The following IPO7 variants were observed in gnomAD, a reference collection of about 807,000 sequenced individuals.
IPO7 encodes importin 7.
IPO7 carries 13 observed loss-of-function variants against 136.4 expected under a neutral mutation model. That is an observed-to-expected ratio of 0.10 (90% CI 0.06 to 0.15). The LOEUF (loss-of-function observed/expected upper bound fraction) is 0.15. Among genes scored for constraint, IPO7 ranks in the 10% least tolerant of loss-of-function variants. IPO7 has a pLI of 1.00. For synonymous variants in IPO7, 403 were observed against 404.4 expected, an observed-to-expected ratio of 1.00 and a Z score of 0.04; for missense variants, 857 against 1,240.6, an observed-to-expected ratio of 0.69 and a Z score of 4.65.
chr11:9,390,962 G>A (rs1016518107), intron 1 of IPO7, among the ~76,000 whole-genome samples: 14 of 152,018 alleles, frequency 9.2e-5, no homozygotes, highest in African/African-American at 3.4e-4. Flanking sequence ...TAGAGATGGG[G>A]TTTCACCTTG....
At chr11:9,414,019 A>G (rs555635174) in intron 4 of IPO7, among the ~76,000 whole-genome samples, 6 of 152,090 alleles carry the variant, frequency 3.9e-5, no homozygotes, top group Non-Finnish European at 8.8e-5. Context: ...GAGGATACTC[A>G]TGTGTGCCTT....
chr11:9,420,535 T>G, intron 7 of IPO7, 30 bp downstream of exon 7: 1 of 1,573,948 alleles, frequency 6.4e-7, no homozygotes, highest in Non-Finnish European at 8.7e-7. Flanking sequence ...GTGATTTAAA[T>G]TAATTTATTA....
intron 14 of IPO7, 38 bp downstream of exon 14, chr11:9,429,234 GC>G: frequency 6.4e-7 from 1 of 1,553,686 alleles, no homozygotes; most frequent in Non-Finnish European, 8.8e-7. Context: ...GTGAATGTTG[GC>G]CAGGTGCGGT....
intron 1 of IPO7, among the ~76,000 whole-genome samples, chr11:9,395,265 T>A (rs1395005450): frequency 6.6e-6 from 1 of 152,138 alleles, no homozygotes; most frequent in African/African-American, 2.4e-5. Flanking sequence ...TTTTTTGAGA[T>A]GGAGTTTCAC....
At chr11:9,442,602 A>T (rs1451567703) in intron 24 of IPO7, among the ~76,000 whole-genome samples, 1 of 152,050 alleles carries the variant, frequency 6.6e-6, no homozygotes, top group African/African-American at 2.4e-5. Context: ...TTTAGTAGAG[A>T]CAGGGTTTCA....
intron 22 of IPO7, among the ~76,000 whole-genome samples, chr11:9,439,472 G>A (rs191856394): frequency 2.4e-3 from 370 of 152,152 alleles, no homozygotes; most frequent in Middle Eastern, 0.01. Flanking sequence ...AATCCTTGAC[G>A]CTTAAATAGT....
chr11:9,440,680 T>A lies in IPO7; in HGVS notation c.2902+19T>A, dbSNP rs1435663731. 73 of 1,524,792 alleles carry A rather than the reference T, an allele frequency of 4.8e-5. No individual in the cohort carries two copies. Among genetic ancestry groups the A allele is most frequent in the Non-Finnish European group, 6.6e-5 (73 of 1,099,916 alleles). The allele number at this position is 1,524,792 out of a possible 1,614,324, so 94.5% of individuals were successfully genotyped here. On this transcript the variant is annotated intron_variant, in intron 23 of 24. Transcript: ENST00000379719. ...TTTCAAAGTAAGTCAACTTGTTACA[T>A]GTGGATCCATTTCATTGAACAAATC...
intron 24 of IPO7, among the ~76,000 whole-genome samples, chr11:9,443,996 C>G (rs1482598569): frequency 6.6e-6 from 1 of 151,942 alleles, no homozygotes; most frequent in Non-Finnish European, 1.5e-5. Context: ...CATTTTAAGC[C>G]AGGCGCGGTG....
At chr11:9,407,682 C>T (rs1317921955) in intron 2 of IPO7, among the ~76,000 whole-genome samples, 2 of 152,092 alleles carry the variant, frequency 1.3e-5, no homozygotes, top group African/African-American at 4.8e-5. Context: ...GTCGGTTATC[C>T]TTGTTCAAAT....
chr11:9,431,932 G>A (rs975957276), intron 16 of IPO7, among the ~76,000 whole-genome samples: 10 of 152,188 alleles, frequency 6.6e-5, no homozygotes, highest in African/African-American at 1.2e-4. Flanking sequence ...CATAGATCGC[G>A]CCACTGCACT....
chr11:9,409,608 G>C (rs1277719072), intron 3 of IPO7, among the ~76,000 whole-genome samples: 1 of 151,952 alleles, frequency 6.6e-6, no homozygotes, highest in African/African-American at 2.4e-5. Flanking sequence ...TTGATCCCTT[G>C]ACCTTGTGAT....
chr11:9,426,085 G>A (rs1477360457), intron 12 of IPO7, among the ~76,000 whole-genome samples: 1 of 152,000 alleles, frequency 6.6e-6, no homozygotes, highest in African/African-American at 2.4e-5. Flanking sequence ...ACAACCTTAT[G>A]GAGTGTACAA....
intron 1 of IPO7, among the ~76,000 whole-genome samples, chr11:9,402,460 A>T (rs933396232): frequency 6.9e-6 from 1 of 145,288 alleles, no homozygotes; most frequent in Non-Finnish European, 1.5e-5. Context: ...GCAATGGCTC[A>T]CGCCTGTAAC....
intron 5 of IPO7, among the ~76,000 whole-genome samples, chr11:9,415,945 T>G (rs1324948271): frequency 6.6e-6 from 1 of 152,212 alleles, no homozygotes; most frequent in Non-Finnish European, 1.5e-5. Context: ...TCTGGTTCTT[T>G]TTGTTGTATC....
At chr11:9,414,124 T>C (rs1855006407) in intron 4 of IPO7, 131 bp from the exon 5 acceptor site, 4 of 611,632 alleles carry the variant, frequency 6.5e-6, no homozygotes, top group Admixed American at 7.2e-5. Flanking sequence ...GGTTTTGTTC[T>C]AGATATTTTT....
chr11:9,388,075 AGGTGGAGGTTGC>A (rs918085391), intron 1 of IPO7, among the ~76,000 whole-genome samples: 67 of 150,998 alleles, frequency 4.4e-4, no homozygotes, highest in African/African-American at 1.6e-3. Context: ...TGAACCCGGG[AGGTGGAGGTTGC>A]GGTGAGCCGA....
chr11:9,428,770 G>T, intron 13 of IPO7, 141 bp downstream of exon 13: 2 of 787,564 alleles, frequency 2.5e-6, no homozygotes, highest in Non-Finnish European at 4.7e-6. Context: ...TCTTTACATG[G>T]CTGCTGTAAT....
At chr11:9,397,829 G>C (rs1854737831) in intron 1 of IPO7, among the ~76,000 whole-genome samples, 1 of 152,074 alleles carries the variant, frequency 6.6e-6, no homozygotes, top group Non-Finnish European at 1.5e-5. Flanking sequence ...TATTTGCTAA[G>C]ATATTTTCTG....
intron 16 of IPO7, among the ~76,000 whole-genome samples, chr11:9,432,761 G>T (rs1274234504): frequency 1.3e-5 from 2 of 152,188 alleles, no homozygotes; most frequent in East Asian, 3.9e-4. Context: ...AATTATAGAG[G>T]AATTTGTATT....
Sources: gnomAD v4.1 joint callset for allele counts (sites outside exome capture counted in the v4.1 genomes callset) on GRCh38, gnomAD v4.1.1 for gene constraint, MANE v1.5 for transcripts, NCBI Gene and HGNC (gene_info 2026-07-23, HGNC 2026-07-21) for gene names.